Variants in CGRRF1 observed in about 807,000 individuals in gnomAD.
CGRRF1 encodes cell growth regulator with ring finger domain 1.
Under a neutral mutation model 37.2 loss-of-function variants are expected in CGRRF1, and 32 were observed. The observed-to-expected ratio is 0.86, with a 90% CI of 0.65 to 1.16. The LOEUF is 1.16. CGRRF1 is among the 50% of genes most tolerant of loss of function. CGRRF1 has a pLI of 0.00. For synonymous variants in CGRRF1, 141 were observed against 140.3 expected (o/e 1.00, Z -0.04); for missense variants, 391 against 382.6 (o/e 1.02, Z -0.18).
At chr14:54,523,945 T>G (rs2032364822) in intron 2 of CGRRF1, among the ~76,000 whole-genome samples, 1 of 152,230 alleles carries the variant, frequency 6.6e-6, no homozygotes, top group Non-Finnish European at 1.5e-5. Flanking sequence ...TTCTCTGCTT[T>G]TCATCCTAGT....
chr14:54,519,705 CTG>C (rs1238601889), intron 1 of CGRRF1, among the ~76,000 whole-genome samples: 1 of 152,244 alleles, frequency 6.6e-6, no homozygotes, highest in African/African-American at 2.4e-5. Context: ...CCACTGTCTG[CTG>C]CCAGACTGAG....
At chr14:54,524,343 C>T (rs2032373576) in intron 2 of CGRRF1, among the ~76,000 whole-genome samples, 1 of 151,522 alleles carries the variant, frequency 6.6e-6, no homozygotes, top group Non-Finnish European at 1.5e-5. Context: ...TCAAATAGAT[C>T]ATCAGGCTTA....
intron 1 of CGRRF1, among the ~76,000 whole-genome samples, chr14:54,515,687 A>G (rs1475195429): frequency 1.3e-5 from 2 of 152,212 alleles, no homozygotes; most frequent in South Asian, 4.1e-4. Context: ...TCCTGGTAAT[A>G]GTCTTTGCTC....
intron 2 of CGRRF1, among the ~76,000 whole-genome samples, chr14:54,525,925 A>T (rs1325255475): frequency 6.6e-6 from 1 of 151,900 alleles, no homozygotes; most frequent in African/African-American, 2.4e-5. Flanking sequence ...GCGAAACCTC[A>T]TCTCTACTAA....
At position 54,538,610 on chromosome 14, in the gene CGRRF1, A is replaced by G. The variant is rs1034925724; in HGVS notation, c.*227A>G. ...TACATAAAAATTCATTCAACTCTTG[A>G]AAAGAATCTAAGAGTTTGGCCTTTT... On this transcript the variant is annotated 3_prime_UTR_variant, in exon 6 of 6. Coordinates refer to ENST00000216420, the MANE Select transcript of CGRRF1 (RefSeq NM_006568.3). 3 of 347,302 alleles carry G rather than the reference A, an allele frequency of 8.6e-6. No homozygotes were observed. The highest frequency in any genetic ancestry group is 1.6e-5 in the Non-Finnish European group (3 of 192,874). The allele number at this position is 347,302 out of a possible 1,614,324, so 21.5% of individuals were successfully genotyped here.
chr14:54,535,742 C>A (rs950141086), intron 4 of CGRRF1, among the ~76,000 whole-genome samples: 9 of 152,106 alleles, frequency 5.9e-5, no homozygotes, highest in African/African-American at 2.2e-4. Flanking sequence ...GTGATGGTTG[C>A]AAAATTATTA....
chr14:54,534,592 C>T (rs1462297242), intron 4 of CGRRF1, among the ~76,000 whole-genome samples: 4 of 152,136 alleles, frequency 2.6e-5, no homozygotes, highest in Non-Finnish European at 4.4e-5. Context: ...TTTATTTGTA[C>T]ATAATTTCAA....
In CGRRF1 at chr14:54,509,934, C is replaced by A. The variant is rs1344328947; in HGVS notation, c.-26C>A. On this transcript the variant is annotated 5_prime_UTR_variant, in exon 1 of 6. Transcript: ENST00000216420. ...CTGGGCTGGGCTCCGCGGCTGGAGC[C>A]GGGCTCTACCCAGAGCAAGACCCTG... 1 of 1,562,708 alleles carries A rather than the reference C, an allele frequency of 6.4e-7. No homozygotes were observed. The highest frequency in any genetic ancestry group is 2.2e-5 in the East Asian group (1 of 44,602).
At chr14:54,526,107 A>T (rs2032406997) in intron 2 of CGRRF1, among the ~76,000 whole-genome samples, 1 of 151,906 alleles carries the variant, frequency 6.6e-6, no homozygotes, top group African/African-American at 2.4e-5. Flanking sequence ...AAAAAACAAA[A>T]ACAAAAAAAC....
intron 4 of CGRRF1, among the ~76,000 whole-genome samples, chr14:54,535,359 T>TCACACACACACA (rs143950400): frequency 0.029 from 4,040 of 140,486 alleles, 63 homozygotes; most frequent in Middle Eastern, 0.036. Flanking sequence ...AAGGGTATAG[T>TCACACACACACA]CACACACACA....
At chr14:54,520,840 C>T (rs1369553560) in intron 1 of CGRRF1, among the ~76,000 whole-genome samples, 1 of 152,102 alleles carries the variant, frequency 6.6e-6, no homozygotes, top group African/African-American at 2.4e-5. Context: ...ATATGGGACT[C>T]AGGTATCTGT....
At chr14:54,536,542 G>C (rs1388376412) in intron 4 of CGRRF1, 1 of 152,148 alleles carries the variant, frequency 6.6e-6, no homozygotes, top group Non-Finnish European at 1.5e-5. Flanking sequence ...TATTTCCACA[G>C]AGTGTATTGA....
intron 1 of CGRRF1, among the ~76,000 whole-genome samples, chr14:54,513,603 TATGTTATGTTATGTA>T (rs1274265223): frequency 2.2e-4 from 31 of 141,030 alleles, no homozygotes; most frequent in African/African-American, 7.7e-4. Context: ...TATGTTATGT[TATGTTATGTTATGTA>T]ATGTTATGTT....
chr14:54,535,169 A>G (rs536898696), intron 4 of CGRRF1, among the ~76,000 whole-genome samples: 15 of 152,332 alleles, frequency 9.8e-5, no homozygotes, highest in Admixed American at 2.6e-4. Context: ...ATATAACCAC[A>G]GTATAGTCAT....
intron 4 of CGRRF1, among the ~76,000 whole-genome samples, chr14:54,534,181 G>T (rs553911754): frequency 6.6e-6 from 1 of 152,168 alleles, no homozygotes; most frequent in African/African-American, 2.4e-5. Context: ...CTGGTGTGCA[G>T]TGGCACAATC....
chr14:54,529,187 G>A (rs1217065213), intron 2 of CGRRF1, among the ~76,000 whole-genome samples: 5 of 152,092 alleles, frequency 3.3e-5, no homozygotes, highest in African/African-American at 7.2e-5. Context: ...AGTACTACAC[G>A]TTACAGTTTG....
At chr14:54,511,877 A>G (rs1594644765) in intron 1 of CGRRF1, among the ~76,000 whole-genome samples, 1 of 152,230 alleles carries the variant, frequency 6.6e-6, no homozygotes, top group African/African-American at 2.4e-5. Context: ...AGTCACTTCC[A>G]TCCTAATTTA....
rs1045732121 is a variant in CGRRF1, at chr14:54,525,713, A to G, written c.244+3120A>G. ...AAGTTATTTCATTTGATGTGTAGAT[A>G]GTTTAAAAATCTTTTTTTCACCACT... is the stretch of plus-strand genomic sequence containing the variant. On this transcript the variant is annotated intron_variant, in intron 2 of 5. Coordinates refer to ENST00000216420, the MANE Select transcript of CGRRF1 (RefSeq NM_006568.3). Among the ~76,000 whole-genome samples the G allele has an allele frequency of 2.0e-5, 3 of 151,912 alleles. No homozygotes were observed. In the East Asian group the frequency reaches 5.8e-4, roughly 29 times the overall value.
At chr14:54,520,352 C>T (rs780605697) in intron 1 of CGRRF1, among the ~76,000 whole-genome samples, 1 of 152,094 alleles carries the variant, frequency 6.6e-6, no homozygotes, top group Non-Finnish European at 1.5e-5. Flanking sequence ...TCAGGACGGT[C>T]TCGATCTCCT....
Sources: gnomAD v4.1 joint callset for allele counts (sites outside exome capture counted in the v4.1 genomes callset) on GRCh38, gnomAD v4.1.1 for gene constraint, MANE v1.5 for transcripts, NCBI Gene and HGNC (gene_info 2026-07-23, HGNC 2026-07-21) for gene names.